TRPC5: variants seen among roughly 807,000 people sequenced by gnomAD.
TRPC5 encodes the protein short transient receptor potential channel 5.
TRPC5 carries 9 observed loss-of-function variants against 56.5 expected under a neutral mutation model. The observed-to-expected ratio is 0.16, with a 90% CI of 0.10 to 0.28. TRPC5 has a LOEUF of 0.28. Among genes scored for constraint, TRPC5 ranks in the 10% least tolerant of loss-of-function variants. TRPC5 has a pLI of 1.00. For missense variants in TRPC5, 469 were observed against 748.9 expected, an observed-to-expected ratio of 0.63 and a Z score of 4.36; for synonymous variants, 282 against 278.5, an observed-to-expected ratio of 1.01 and a Z score of -0.13.
chrX:112,074,976 A>C (rs1930801925), intron 1 of TRPC5, among the ~76,000 whole-genome samples: 1 of 112,395 alleles, frequency 8.9e-6, no homozygotes, highest in Admixed American at 9.5e-5. Context: ...CTTTTGCAAC[A>C]TCAAACATCC....
intron 3 of TRPC5, among the ~76,000 whole-genome samples, chrX:111,861,729 C>T (rs1197061882): frequency 1.8e-5 from 2 of 111,229 alleles, no homozygotes; most frequent in African/African-American, 6.5e-5. Context: ...AAGATGAGTA[C>T]TTAGGTAGAA....
At chrX:111,809,893 TG>T (rs200348298) in intron 7 of TRPC5, among the ~76,000 whole-genome samples, 52 of 107,400 alleles carry the variant, frequency 4.8e-4, no homozygotes, top group African/African-American at 1.6e-3. Context: ...TTTTTTTTTT[TG>T]TTGTTGTTGT....
intron 1 of TRPC5, among the ~76,000 whole-genome samples, chrX:112,039,032 C>T (rs1401248639): frequency 9.1e-6 from 1 of 110,303 alleles, no homozygotes; most frequent in East Asian, 2.9e-4. Flanking sequence ...TTAAAGTGCA[C>T]AGACTTGGTG....
chrX:111,875,853 A>G (rs1923921129), intron 3 of TRPC5, among the ~76,000 whole-genome samples: 1 of 109,130 alleles, frequency 9.2e-6, no homozygotes, highest in African/African-American at 3.3e-5. Flanking sequence ...GTTGAGGGAG[A>G]GGGAGGGTGT....
intron 3 of TRPC5, 81 bp from the exon 4 acceptor site, chrX:111,854,187 G>T: frequency 9.7e-7 from 1 of 1,030,264 alleles, no homozygotes; most frequent in Non-Finnish European, 1.3e-6. Context: ...CTAGTTTACA[G>T]TCAGCTCTGG....
intron 1 of TRPC5, among the ~76,000 whole-genome samples, chrX:111,958,514 T>A (rs1927293440): frequency 8.9e-6 from 1 of 111,736 alleles, no homozygotes. Context: ...GAAAGAATGG[T>A]GGGGATAGAG....
Position 111,777,252 on chromosome X carries a change from A to C in TRPC5, c.2233-250T>G, listed in dbSNP as rs1945886106. Among the ~76,000 whole-genome samples, 3 of 111,711 alleles carry C rather than the reference A, an allele frequency of 2.7e-5. No homozygotes were observed. The South Asian group carries it at 1.1e-3, about 42-fold the overall frequency. On this transcript the variant is annotated intron_variant, in intron 10 of 10. Transcript: ENST00000262839. ...ATTAGCTAACACTTTAGCAGGGATT[A>C]GTCTGTTGAGGTGCTTTCATAAGGA...
chrX:111,782,888 A>G lies in TRPC5; in HGVS notation c.1897-750T>C, dbSNP rs546804808. 1.6e-4 allele frequency among the ~76,000 whole-genome samples: 18 copies of G among 109,343 alleles called. No individual in the cohort carries two copies. In the Middle Eastern group the frequency reaches 0.014, roughly 86 times the overall value. 95.0% of individuals were successfully genotyped at this position (109,343 alleles called of 115,157 possible). ...TTTAAGAGCTGCATTGACTGATGTA[A>G]CTGTTACTACAATCAGGATACACAA... On this transcript the variant is annotated intron_variant, in intron 7 of 10. Coordinates refer to ENST00000262839, the MANE Select transcript of TRPC5 (RefSeq NM_012471.3).
intron 7 of TRPC5, among the ~76,000 whole-genome samples, chrX:111,822,500 A>G (rs745354373): frequency 2.7e-5 from 3 of 111,856 alleles, no homozygotes; most frequent in African/African-American, 9.8e-5. Flanking sequence ...GACCCATAAA[A>G]GGTTAAGTGC....
At chrX:111,908,231 T>A (rs1410701596) in intron 3 of TRPC5, among the ~76,000 whole-genome samples, 14 of 111,593 alleles carry the variant, frequency 1.3e-4, no homozygotes, top group African/African-American at 4.6e-4. Flanking sequence ...CAGAAGGGAT[T>A]TATAGAGTTT....
intron 1 of TRPC5, among the ~76,000 whole-genome samples, chrX:111,996,550 C>T (rs1017506414): frequency 1.3e-4 from 14 of 110,933 alleles, no homozygotes; most frequent in African/African-American, 2.6e-4. Flanking sequence ...GTTAACCTTC[C>T]GTCTCTTTGG....
At chrX:111,824,229 CAAA>C (rs1173966332) in intron 7 of TRPC5, among the ~76,000 whole-genome samples, 8,204 of 54,533 alleles carry the variant, frequency 0.15, 1,004 homozygotes, top group African/African-American at 0.37. Flanking sequence ...GACCCTGTCT[CAAA>C]AAAAAAAAAA....
chrX:111,810,040 G>A (rs956215024), intron 7 of TRPC5, among the ~76,000 whole-genome samples: 2 of 109,537 alleles, frequency 1.8e-5, no homozygotes, highest in Admixed American at 9.8e-5. Context: ...TCAGCATCCC[G>A]AGTAGCTGGG....
Position 111,863,007 on chromosome X carries a change from C to A in TRPC5, c.901-8901G>T, listed in dbSNP as rs757377431. On this transcript the variant is annotated intron_variant, in intron 3 of 10. Transcript: ENST00000262839. ...TTCATTGCTAGTGTATAGAAACTGTCAAAAGACAAAATCTCAACAAATTTA... is the reference window on the plus strand; with the variant it reads ...TTCATTGCTAGTGTATAGAAACTGTAAAAAGACAAAATCTCAACAAATTTA... 5.4e-5 allele frequency among the ~76,000 whole-genome samples: 6 copies of A among 111,716 alleles called. No homozygotes were observed. In the South Asian group the frequency reaches 2.2e-3, roughly 42 times the overall value.
intron 1 of TRPC5, among the ~76,000 whole-genome samples, chrX:112,081,058 A>C (rs1436488514): frequency 8.9e-6 from 1 of 112,090 alleles, no homozygotes; most frequent in Non-Finnish European, 1.9e-5. Flanking sequence ...GCTTTTCCTG[A>C]GGGAGTAATA....
At chrX:111,904,673 C>T (rs1222297949) in intron 3 of TRPC5, among the ~76,000 whole-genome samples, 1 of 111,028 alleles carries the variant, frequency 9.0e-6, no homozygotes, top group Non-Finnish European at 1.9e-5. Context: ...AATGGATTCC[C>T]AGCTAATGGA....
At chrX:111,959,036 T>A (rs1249530086) in intron 1 of TRPC5, among the ~76,000 whole-genome samples, 1 of 112,581 alleles carries the variant, frequency 8.9e-6, no homozygotes. Flanking sequence ...TACTGACCTG[T>A]CCAACAATAG....
chrX:111,835,638 A>G (rs1295956685), intron 6 of TRPC5, among the ~76,000 whole-genome samples: 1 of 111,379 alleles, frequency 9.0e-6, no homozygotes, highest in Non-Finnish European at 1.9e-5. Context: ...AATACAAAAA[A>G]TTAGCCGGGC....
rs552813620 is a variant in TRPC5, at chrX:112,039,470, T to G, written c.-22+42409A>C. Among the ~76,000 whole-genome samples the G allele has an allele frequency of 3.6e-5, 4 of 112,078 alleles. No individual in the cohort carries two copies. In the South Asian group the frequency reaches 1.5e-3, roughly 42 times the overall value. ...TTGTTTTTTGTTGTTTTGCAAATAC[T>G]TAGAGAAGCGTATGGTTTGGTCATA... On this transcript the variant is annotated intron_variant, in intron 1 of 10. Transcript: ENST00000262839.
Sources: allele counts gnomAD v4.1 joint callset (sites outside exome capture counted in the v4.1 genomes callset), GRCh38; gene constraint gnomAD v4.1.1; transcripts MANE v1.5; gene names NCBI Gene and HGNC (gene_info 2026-07-23, HGNC 2026-07-21).